The following HOOK3 variants were observed in gnomAD, a reference collection of about 807,000 sequenced individuals.
The protein encoded by HOOK3 is protein Hook homolog 3.
HOOK3 carries 24 observed loss-of-function variants against 116.3 expected under a neutral mutation model. The observed-to-expected ratio is 0.21, with a 90% CI of 0.15 to 0.29. HOOK3 has a LOEUF of 0.29. Among genes scored for constraint, HOOK3 ranks in the 10% least tolerant of loss-of-function variants. HOOK3 has a pLI of 1.00. For missense variants in HOOK3, 632 were observed against 830.2 expected, an observed-to-expected ratio of 0.76 and a Z score of 2.93; for synonymous variants, 275 against 283.0, an observed-to-expected ratio of 0.97 and a Z score of 0.28.
chr8:42,976,409 C>T (rs1808830295), intron 13 of HOOK3, among the ~76,000 whole-genome samples: 2 of 152,058 alleles, frequency 1.3e-5, no homozygotes, highest in South Asian at 4.1e-4. Context: ...ACTCAGGAGA[C>T]TAAGGCAGAA....
In HOOK3 at chr8:43,018,448, A is replaced by G. The variant is rs1809762213; in HGVS notation, c.2107A>G (p.Ser703Gly). Residue 703 changes from serine (S) to glycine (G), a missense_variant, in exon 22 of 22, where the codon AGC becomes GGC. Ser to Gly is a moderately conservative substitution (Grantham distance 56). This residue lies in a region of HOOK3 where 483 missense variants were observed against 648.1 expected (regional missense o/e 0.75). Transcript: ENST00000307602. ...TCTGGCGAGGCAGAGGCAAGCGACC[A>G]GCAGCAGAAGATCATACCCAGGCCA... is the stretch of plus-strand genomic sequence containing the variant. ...SFLARQRQAT[S>G]SRRSYPGHVQ... 6 of 1,613,788 alleles carry G rather than the reference A, an allele frequency of 3.7e-6. No homozygotes were observed. The highest frequency in any genetic ancestry group is 5.1e-6 in the Non-Finnish European group (6 of 1,179,974).
At chr8:42,991,485 C>T (rs927487814) in intron 15 of HOOK3, among the ~76,000 whole-genome samples, 1 of 151,532 alleles carries the variant, frequency 6.6e-6, no homozygotes, top group Non-Finnish European at 1.5e-5. Flanking sequence ...TCATTGCAAC[C>T]TCCACCTCCC....
chr8:42,950,584 A>G, intron 6 of HOOK3, 129 bp downstream of exon 6: 1 of 527,026 alleles, frequency 1.9e-6, no homozygotes, highest in Admixed American at 3.2e-5. Flanking sequence ...CATTTATGAT[A>G]TAGCTTTTCT....
At chr8:42,972,208 C>G (rs998183328) in intron 11 of HOOK3, among the ~76,000 whole-genome samples, 1 of 151,970 alleles carries the variant, frequency 6.6e-6, no homozygotes, top group Admixed American at 6.6e-5. Context: ...ATTGGGGAAT[C>G]CTGAGGCTCA....
rs752227997 is a variant in HOOK3 at position 42,973,271 on chromosome 8, G to A, written c.1123-18G>A. 7 of 1,592,466 alleles carry A rather than the reference G, an allele frequency of 4.4e-6. No homozygotes were observed. The Admixed American group carries it at 9.4e-5, about 21-fold the overall frequency. ...ATGTCTCAGATTATGTATAAGTAATGGTATCTTTCTGTATCAGGTAGTAGA... is the reference window on the plus strand; with the variant it reads ...ATGTCTCAGATTATGTATAAGTAATAGTATCTTTCTGTATCAGGTAGTAGA... On this transcript the variant is annotated intron_variant, in intron 11 of 21. Transcript: ENST00000307602.
chr8:42,957,049 G>T (rs748315666), intron 6 of HOOK3, 45 bp from the exon 7 acceptor site: 2 of 1,056,896 alleles, frequency 1.9e-6, no homozygotes, highest in Non-Finnish European at 2.8e-6. Context: ...TATGTAGAAT[G>T]TCTTTTTTGC....
Position 42,939,566 on chromosome 8 carries a change from G to A in HOOK3, c.268-3747G>A, listed in dbSNP as rs544617248. Among the ~76,000 whole-genome samples the A allele has an allele frequency of 3.3e-3, 478 of 143,728 alleles. 3 individuals carry two copies. Among genetic ancestry groups the A allele is most frequent in the Middle Eastern group, 0.026 (7 of 274 alleles). 94.3% of individuals were successfully genotyped at this position (143,728 alleles called of 152,430 possible). On this transcript the variant is annotated intron_variant, in intron 4 of 21. Coordinates refer to ENST00000307602, the MANE Select transcript of HOOK3 (RefSeq NM_032410.4). ...TCCCGGACAGGGCGGCTGGCCGAGC[G>A]GGGGGCTGACCCCCCCACCTCCCTC...
At chr8:42,950,984 C>T (rs886674734) in intron 6 of HOOK3, among the ~76,000 whole-genome samples, 5 of 151,960 alleles carry the variant, frequency 3.3e-5, no homozygotes, top group Non-Finnish European at 5.9e-5. Context: ...CACGCCCGGC[C>T]GACTATTCCT....
chr8:42,983,130 C>T (rs774160435), intron 14 of HOOK3, among the ~76,000 whole-genome samples: 12 of 152,086 alleles, frequency 7.9e-5, no homozygotes, highest in East Asian at 5.8e-4. Context: ...GTCAGGAGAT[C>T]GAGACCATCC....
intron 16 of HOOK3, chr8:42,998,111 A>T (rs1274384421): frequency 2.4e-5 from 5 of 205,128 alleles, no homozygotes; most frequent in Non-Finnish European, 4.9e-5. Flanking sequence ...TTTTTTGCAC[A>T]TCCCCCAGCA....
intron 6 of HOOK3, among the ~76,000 whole-genome samples, chr8:42,955,229 C>T (rs562849825): frequency 6.6e-6 from 1 of 152,242 alleles, no homozygotes; most frequent in Admixed American, 6.5e-5. Context: ...ATGGAATATA[C>T]AGTCTTTGCA....
intron 2 of HOOK3, among the ~76,000 whole-genome samples, chr8:42,908,108 T>G (rs924954239): frequency 6.6e-6 from 1 of 152,122 alleles, no homozygotes; most frequent in African/African-American, 2.4e-5. Context: ...AGGAATACAT[T>G]TAACCAACAA....
intron 15 of HOOK3, among the ~76,000 whole-genome samples, chr8:42,996,385 CA>C (rs529268164): frequency 0.15 from 8,223 of 55,870 alleles, 209 homozygotes; most frequent in African/African-American, 0.26. Context: ...GACTCCGTCT[CA>C]AAAAAAAAAA....
At chr8:42,965,043 C>G (rs1486954784) in intron 9 of HOOK3, among the ~76,000 whole-genome samples, 1 of 152,182 alleles carries the variant, frequency 6.6e-6, no homozygotes, top group Non-Finnish European at 1.5e-5. Context: ...ACACCTGCCC[C>G]TCTGTGGGAA....
chr8:42,906,352 G>T, intron 2 of HOOK3, 94 bp downstream of exon 2: 1 of 871,854 alleles, frequency 1.1e-6, no homozygotes, highest in Non-Finnish European at 1.9e-6. Context: ...CATGAAACGT[G>T]TGTAGAGTAA....
At chr8:42,968,428 C>T (rs1808671194) in intron 11 of HOOK3, among the ~76,000 whole-genome samples, 1 of 152,204 alleles carries the variant, frequency 6.6e-6, no homozygotes, top group Non-Finnish European at 1.5e-5. Context: ...CTCCCAGGTT[C>T]AAGCTATTCT....
chr8:42,948,595 T>G (rs1236376852), intron 5 of HOOK3, among the ~76,000 whole-genome samples: 1 of 152,200 alleles, frequency 6.6e-6, no homozygotes, highest in Non-Finnish European at 1.5e-5. Flanking sequence ...TCCTTCCCCA[T>G]TATCAGTGCC....
rs940244578 is a variant in HOOK3, at chr8:43,027,528, C to T, written c.*9030C>T. On this transcript the variant is annotated 3_prime_UTR_variant, in exon 22 of 22. Coordinates refer to ENST00000307602, the MANE Select transcript of HOOK3 (RefSeq NM_032410.4). ...GAGAAGCTCATCTAGAAGAGAGCAA[C>T]GCTGGAATAGAGAAGTCTAGACCCT... 4.3e-5 allele frequency: 15 copies of T among 352,544 alleles called. No homozygotes were observed. The highest frequency in any genetic ancestry group is 7.2e-4 in the Middle Eastern group (2 of 2,762). The allele number at this position is 352,544 out of a possible 1,614,324, so 21.8% of individuals were successfully genotyped here. A position where few individuals can be genotyped will look rare whatever the true frequency, so the allele number is the denominator to read the frequency against.
intron 8 of HOOK3, among the ~76,000 whole-genome samples, chr8:42,960,088 T>C (rs1009753234): frequency 6.6e-6 from 1 of 152,262 alleles, no homozygotes; most frequent in African/African-American, 2.4e-5. Context: ...TTAGAATTTA[T>C]ATACAAATGC....
Sources: allele counts gnomAD v4.1 joint callset (sites outside exome capture counted in the v4.1 genomes callset), GRCh38; gene constraint gnomAD v4.1.1; regional missense constraint gnomAD v4.1.1; transcripts MANE v1.5; gene names NCBI Gene and HGNC (gene_info 2026-07-23, HGNC 2026-07-21).